The following NLRP11 variants were observed in gnomAD, a reference collection of about 807,000 sequenced individuals.
NLRP11 encodes NLR family pyrin domain containing 11, also known as NACHT, LRR and PYD domains-containing protein 11.
A neutral mutation model predicts 79.3 loss-of-function variants in NLRP11; 53 were observed. The observed-to-expected ratio is 0.67, with a 90% confidence interval of 0.54 to 0.84. NLRP11 has a LOEUF of 0.84. Ranked by LOEUF, NLRP11 falls within the 40% of genes least tolerant of loss-of-function variation. NLRP11 has a pLI of 0.00. For missense variants in NLRP11, 1,264 were observed against 1,255.0 expected (o/e 1.01, Z -0.11); for synonymous variants, 518 against 462.6 (o/e 1.12, Z -1.54).
chr19:55,818,170 G>T (rs115224034), exon 2 of NLRP11: 1 of 1,610,364 alleles, frequency 6.2e-7, no homozygotes, highest in African/African-American at 1.3e-5. Context: ...ATCCGATTCT[G>T]CCATCTTGCT....
At chr19:55,821,249 A>ACACACC (rs1443325918) in intron 1 of NLRP11, among the ~76,000 whole-genome samples, 27 of 124,450 alleles carry the variant, frequency 2.2e-4, no homozygotes, top group East Asian at 4.9e-4. Context: ...ACACACACAC[A>ACACACC]CCCCAAGCAC....
intron 4 of NLRP11, among the ~76,000 whole-genome samples, chr19:55,806,752 C>T (rs1052261124): frequency 2.0e-5 from 3 of 152,178 alleles, no homozygotes; most frequent in African/African-American, 7.2e-5. Flanking sequence ...GTTTACAACA[C>T]CATGATCATG....
rs907468243 is a variant in NLRP11, at chr19:55,798,752, T to TCA, written c.2172-2504_2172-2503dup. ...TTGCTTCAAACACACACACACACAC[T>TCA]CACACACACACACACACCGGAAAAC... On this transcript the variant is annotated intron_variant, in intron 5 of 9. Transcript: ENST00000589093. 2.2e-3 allele frequency among the ~76,000 whole-genome samples: 211 copies of TCA among 95,772 alleles called. 3 individuals are homozygous for TCA. Among genetic ancestry groups the TCA allele is most frequent in the East Asian group, 0.011 (44 of 3,886 alleles). The allele number at this position is 95,772 out of a possible 152,430, so 62.8% of individuals were successfully genotyped here.
chr19:55,827,938 A>G (rs1322417730), intron 1 of NLRP11, among the ~76,000 whole-genome samples: 1 of 151,910 alleles, frequency 6.6e-6, no homozygotes, highest in Non-Finnish European at 1.5e-5. Context: ...ATGACTATAA[A>G]TCATGCTGCT....
chr19:55,795,614 C>G (rs1174968054), intron 6 of NLRP11, among the ~76,000 whole-genome samples: 1 of 152,086 alleles, frequency 6.6e-6, no homozygotes, highest in African/African-American at 2.4e-5. Flanking sequence ...CTCAGCCTCT[C>G]AAGCAGCTGG....
At chr19:55,788,696 C>A (rs745527469) in intron 9 of NLRP11, 111 bp downstream of exon 9, 1 of 731,232 alleles carries the variant, frequency 1.4e-6, no homozygotes, top group Non-Finnish European at 2.1e-6. Context: ...GCCAAGATCA[C>A]GCCACTGCAC....
At chr19:55,801,833 G>C in intron 4 of NLRP11, 94 bp from the exon 5 acceptor site, 1 of 994,134 alleles carries the variant, frequency 1.0e-6, no homozygotes, top group Non-Finnish European at 1.6e-6. Flanking sequence ...CTGTAACAAA[G>C]ATTCTCAGTG....
intron 4 of NLRP11, among the ~76,000 whole-genome samples, chr19:55,807,560 G>T (rs1980117946): frequency 6.6e-6 from 1 of 152,106 alleles, no homozygotes; most frequent in African/African-American, 2.4e-5. Context: ...AAAGAGTTTT[G>T]AAAAGACTCC....
Position 55,785,948 on chromosome 19 carries a change from C to T in NLRP11, c.2856-77G>A, listed in dbSNP as rs372343459. On this transcript the variant is annotated intron_variant, in intron 9 of 9. Transcript: ENST00000589093. ...CTTTGTTGCATCAATGACTAATTCC[C>T]CATATGGCATCCTTTGGGTATTCTT... 9 of 1,445,728 alleles carry T rather than the reference C, an allele frequency of 6.2e-6. No homozygotes were observed. The African/African-American group carries it at 8.5e-5, about 14-fold the overall frequency. The allele number at this position is 1,445,728 out of a possible 1,614,324, so 89.6% of individuals were successfully genotyped here. A position where few individuals can be genotyped will look rare whatever the true frequency, so the allele number is the denominator to read the frequency against.
rs114313911 is a variant in NLRP11, at chr19:55,795,988, G to T, written c.2342+92C>A. On this transcript the variant is annotated intron_variant, in intron 6 of 9. Coordinates refer to ENST00000589093, the Ensembl canonical transcript of NLRP11. ...GTGCTTTCGGCTGCTTTGCTTTGCT[G>T]TCCCTTTCCCCACCACTGCTCTTTG... 3.0e-4 allele frequency: 347 copies of T among 1,173,678 alleles called. 1 individual carries two copies. The African/African-American group carries it at 4.3e-3, about 15-fold the overall frequency. 72.7% of individuals were successfully genotyped at this position (1,173,678 alleles called of 1,614,324 possible).
chr19:55,802,554 G>C (rs1387332962), intron 4 of NLRP11, among the ~76,000 whole-genome samples: 3 of 152,150 alleles, frequency 2.0e-5, no homozygotes, highest in African/African-American at 7.2e-5. Flanking sequence ...CTCATGGAGA[G>C]AAGAATCAAT....
chr19:55,795,081 A>G (rs1600176309), intron 6 of NLRP11, among the ~76,000 whole-genome samples: 1 of 152,100 alleles, frequency 6.6e-6, no homozygotes, highest in South Asian at 2.1e-4. Context: ...TTTTCTGACC[A>G]TGTTTTACAG....
At chr19:55,811,980 C>G (rs896501605) in intron 2 of NLRP11, among the ~76,000 whole-genome samples, 1 of 151,646 alleles carries the variant, frequency 6.6e-6, no homozygotes, top group African/African-American at 2.4e-5. Flanking sequence ...TACACACACA[C>G]ACACACACAC....
intron 5 of NLRP11, among the ~76,000 whole-genome samples, chr19:55,800,527 C>T (rs1210495448): frequency 6.6e-6 from 1 of 152,052 alleles, no homozygotes; most frequent in East Asian, 1.9e-4. Context: ...AGGCTGGTCT[C>T]GAACTCTTGA....
In NLRP11 at chr19:55,809,266, G is replaced by C; in HGVS notation, c.1344C>G (p.Phe448Leu). The C allele has an allele frequency of 6.2e-7, 1 of 1,614,032 alleles. No individual in the cohort carries two copies. The highest frequency in any genetic ancestry group is 8.5e-7 in the Non-Finnish European group (1 of 1,179,920). Residue 448 changes from phenylalanine (F) to leucine (L), a missense_variant, in exon 3 of 10, where the codon TTC (phenylalanine) becomes TTG (leucine). Physicochemically the swap from Phe to Leu is conservative, Grantham distance 22. Transcript: ENST00000589093. The surrounding 1 kb of genome is among the most constrained non-coding windows in gnomAD (Gnocchi z 4.5). ...AAAACTCCTGGACGTTCAAGTGTAT[G>C]AACTTGTAACGGTCTTTATGAGTGT... is the stretch of plus-strand genomic sequence containing the variant.
intron 2 of NLRP11, among the ~76,000 whole-genome samples, chr19:55,810,663 A>AT (rs1167392270): frequency 6.6e-6 from 1 of 151,990 alleles, no homozygotes; most frequent in Non-Finnish European, 1.5e-5. Flanking sequence ...CACCTGGCTA[A>AT]TTTTTTGTAT....
intron 1 of NLRP11, among the ~76,000 whole-genome samples, chr19:55,830,995 G>A (rs1600209173): frequency 1.3e-5 from 2 of 152,066 alleles, no homozygotes; most frequent in South Asian, 4.2e-4. Context: ...TTTGGAGGTT[G>A]GGCCCAGGAA....
exon 4 of NLRP11, chr19:55,807,988 C>T (rs1980169575): frequency 1.2e-6 from 2 of 1,610,072 alleles, no homozygotes; most frequent in African/African-American, 1.3e-5. Flanking sequence ...GCAGATCTCT[C>T]TCCAGTAGAC....
chr19:55,808,875 TCA>T lies in NLRP11; in HGVS notation c.1733_1734del (p.Met578AsnfsTer17). The T allele has an allele frequency of 6.2e-7, 1 of 1,614,088 alleles. No homozygotes were observed. The highest frequency in any genetic ancestry group is 8.5e-7 in the Non-Finnish European group (1 of 1,179,948). ...TAATCCAGACAGTATAATGAGACCATCATATCCTTGTCTGATTGAAGGTAAAC... is the reference window on the plus strand; with the variant it reads ...TAATCCAGACAGTATAATGAGACCATTATCCTTGTCTGATTGAAGGTAAAC... On this transcript the variant is annotated frameshift_variant, in exon 3 of 10. Coordinates refer to ENST00000589093, the Ensembl canonical transcript of NLRP11. LOFTEE classifies it high-confidence loss of function.
Sources: allele counts gnomAD v4.1 joint callset (sites outside exome capture counted in the v4.1 genomes callset), GRCh38; gene constraint gnomAD v4.1.1; non-coding constraint Gnocchi (gnomAD v3.1); transcripts MANE v1.5; gene names NCBI Gene and HGNC (gene_info 2026-07-23, HGNC 2026-07-21).